HIVEP3: variants seen among roughly 807,000 people sequenced by gnomAD.
The protein encoded by HIVEP3 is transcription factor HIVEP3.
In HIVEP3, 49 loss-of-function variants were observed where a neutral mutation model predicts 152.8. That is an observed-to-expected ratio of 0.32 (90% CI 0.26 to 0.41). HIVEP3 has a LOEUF of 0.41. HIVEP3 is among the 10% of genes least tolerant of loss of function. The pLI is 1.00. For missense variants in HIVEP3, 2,790 were observed against 3,103.3 expected (o/e 0.90, Z 2.40); for synonymous variants, 1,269 against 1,289.0 (o/e 0.98, Z 0.33).
At position 41,617,985 on chromosome 1, in the gene HIVEP3, G is replaced by C. The variant is rs555887109; in HGVS notation, c.-522+10764C>G. On this transcript the variant is annotated intron_variant, in intron 3 of 8. Transcript: ENST00000372583. ...GCAGCATTTCCCTAAGCTGAGACCA[G>C]GGTCACTGGTGGGTGCATTTCCCCA... Among the ~76,000 whole-genome samples the C allele has an allele frequency of 1.1e-4, 17 of 151,940 alleles. No individual in the cohort carries two copies. In the East Asian group the frequency reaches 1.8e-3, roughly 16 times the overall value.
At chr1:41,683,725 G>A (rs1646074412) in intron 2 of HIVEP3, among the ~76,000 whole-genome samples, 2 of 152,150 alleles carry the variant, frequency 1.3e-5, no homozygotes, top group African/African-American at 4.8e-5. Context: ...CTAGGGCCCA[G>A]GACTCAGTAA....
chr1:41,854,231 G>A (rs1643688660), intron 1 of HIVEP3, among the ~76,000 whole-genome samples: 1 of 152,118 alleles, frequency 6.6e-6, no homozygotes, highest in Admixed American at 6.5e-5. Context: ...TGACAGATGG[G>A]CCAGGACCTG....
chr1:41,581,805 T>C lies in HIVEP3; in HGVS notation c.2993A>G (p.Asn998Ser), dbSNP rs768032382. 6.9e-6 allele frequency: 11 copies of C among 1,587,024 alleles called. No homozygotes were observed. The highest frequency in any genetic ancestry group is 4.0e-5 in the African/African-American group (3 of 74,138). The change falls in exon 4 of 9, where the codon AAC (asparagine) becomes AGC (serine). Residue 998 changes from asparagine to serine, a missense_variant. Around this residue, in one of 9 missense-constraint regions of HIVEP3, gnomAD observed 1,078 missense variants for 1,165.3 expected, o/e 0.93. Coordinates refer to ENST00000372583, the MANE Select transcript of HIVEP3 (RefSeq NM_024503.5). The surrounding 1 kb of genome is among the most constrained non-coding windows in gnomAD (Gnocchi z 4.5). ...MRRSASEQSPNVSHSAHMTET... is the reference protein window; with the variant it reads ...MRRSASEQSPSVSHSAHMTET... Reference sequence around the variant, plus strand: ...GGTCATGTGGGCAGAATGGGAAACGTTGGGGCTCTGCTCTGAGGCTGACCT... The same window carrying C: ...GGTCATGTGGGCAGAATGGGAAACGCTGGGGCTCTGCTCTGAGGCTGACCT...
chr1:41,868,398 A>G (rs1644020406), intron 1 of HIVEP3, among the ~76,000 whole-genome samples: 2 of 151,876 alleles, frequency 1.3e-5, no homozygotes, highest in Admixed American at 1.3e-4. Flanking sequence ...CTGTGTATCA[A>G]TTTGCACTTG....
chr1:41,860,018 T>C (rs1643867827), intron 1 of HIVEP3, among the ~76,000 whole-genome samples: 1 of 152,162 alleles, frequency 6.6e-6, no homozygotes, highest in Non-Finnish European at 1.5e-5. Flanking sequence ...TTTATTACAC[T>C]GGGATCATTT....
chr1:41,796,276 C>A (rs1442505811), intron 1 of HIVEP3, among the ~76,000 whole-genome samples: 1 of 152,230 alleles, frequency 6.6e-6, no homozygotes, highest in Non-Finnish European at 1.5e-5. Flanking sequence ...TCAAGTAGAG[C>A]ATTGATTGGC....
intron 1 of HIVEP3, among the ~76,000 whole-genome samples, chr1:41,999,087 G>C (rs1455155841): frequency 6.6e-6 from 1 of 151,320 alleles, no homozygotes; most frequent in Non-Finnish European, 1.5e-5. Flanking sequence ...GTAGAGAAGG[G>C]GTTTCACCAT....
intron 1 of HIVEP3, among the ~76,000 whole-genome samples, chr1:41,908,186 A>G (rs1316672600): frequency 6.6e-6 from 1 of 152,216 alleles, no homozygotes; most frequent in African/African-American, 2.4e-5. Context: ...CAGGTTTGGA[A>G]TAAAAGCTGT....
intron 1 of HIVEP3, among the ~76,000 whole-genome samples, chr1:42,033,801 T>C (rs1364215979): frequency 6.6e-6 from 1 of 152,210 alleles, no homozygotes; most frequent in Non-Finnish European, 1.5e-5. Context: ...TAATTGCCTC[T>C]TGAAAGCATA....
chr1:41,973,069 C>CACACAT (rs1557545152), intron 1 of HIVEP3, among the ~76,000 whole-genome samples: 1 of 152,002 alleles, frequency 6.6e-6, no homozygotes, highest in African/African-American at 2.4e-5. Flanking sequence ...CACACACACA[C>CACACAT]ACACAATTAT....
At chr1:41,756,015 G>A (rs76844921) in intron 1 of HIVEP3, among the ~76,000 whole-genome samples, 2,054 of 152,324 alleles carry the variant, frequency 0.013, 44 homozygotes, top group African/African-American at 0.047. Context: ...TTGTGTGCAC[G>A]TAATCTGTAC....
chr1:41,699,825 C>T (rs1465616618), intron 2 of HIVEP3, among the ~76,000 whole-genome samples: 3 of 152,062 alleles, frequency 2.0e-5, no homozygotes, highest in Non-Finnish European at 2.9e-5. Flanking sequence ...TCCCACACCC[C>T]GGTAGGGGCC....
chr1:41,751,076 C>T (rs892042223), intron 1 of HIVEP3, among the ~76,000 whole-genome samples: 2 of 152,130 alleles, frequency 1.3e-5, no homozygotes, highest in African/African-American at 2.4e-5. Flanking sequence ...GTGTTAAACC[C>T]GAAGTTCATG....
At chr1:41,807,065 C>G (rs936258005) in intron 1 of HIVEP3, among the ~76,000 whole-genome samples, 6 of 152,188 alleles carry the variant, frequency 3.9e-5, no homozygotes, top group Non-Finnish European at 8.8e-5. Context: ...TCTGCCCCCG[C>G]TACTTTCCTG....
At chr1:41,717,513 T>C (rs1646613027) in intron 1 of HIVEP3, among the ~76,000 whole-genome samples, 1 of 151,986 alleles carries the variant, frequency 6.6e-6, no homozygotes, top group Non-Finnish European at 1.5e-5. Context: ...TCTAAGGAGA[T>C]GAGGTTCTAG....
chr1:41,835,560 C>T lies in HIVEP3; in HGVS notation c.-801+82853G>A, dbSNP rs536400486. 1.3e-4 allele frequency among the ~76,000 whole-genome samples: 20 copies of T among 152,330 alleles called. No homozygotes were observed. In the South Asian group the frequency reaches 2.9e-3, roughly 22 times the overall value. ...TAAAGTAACACGATTCAGTCCATAGCGTCTAGATTCCTATCAAATTAGATT... is the reference window on the plus strand; with the variant it reads ...TAAAGTAACACGATTCAGTCCATAGTGTCTAGATTCCTATCAAATTAGATT... On this transcript the variant is annotated intron_variant, in intron 1 of 8. Coordinates refer to ENST00000372583, the MANE Select transcript of HIVEP3 (RefSeq NM_024503.5).
intron 1 of HIVEP3, among the ~76,000 whole-genome samples, chr1:41,710,305 C>T (rs1646493772): frequency 6.6e-6 from 1 of 152,168 alleles, no homozygotes. Flanking sequence ...CTTCATGTGA[C>T]CAAAAGGAAA....
rs184092505 is a variant in HIVEP3 at position 41,619,102 on chromosome 1, C to T, written c.-522+9647G>A. Among the ~76,000 whole-genome samples, 770 of 152,250 alleles carry T rather than the reference C, an allele frequency of 5.1e-3. 3 individuals carry two copies. The highest frequency in any genetic ancestry group is 6.5e-3 in the Non-Finnish European group (444 of 68,018). ...CTCCCAGGGCTTCTGGATGTTGTGC[C>T]TGCCTCTCCCTTCCAGCCTCCTCTG... On this transcript the variant is annotated intron_variant, in intron 3 of 8. Transcript: ENST00000372583.
At chr1:41,714,084 C>G (rs1439552547) in intron 1 of HIVEP3, among the ~76,000 whole-genome samples, 4 of 152,208 alleles carry the variant, frequency 2.6e-5, no homozygotes, top group Non-Finnish European at 5.9e-5. Flanking sequence ...CCCGGGTTCT[C>G]AAGCCCTGAT....
Sources: gnomAD v4.1 joint callset for allele counts (sites outside exome capture counted in the v4.1 genomes callset) on GRCh38, gnomAD v4.1.1 for gene constraint, gnomAD v4.1.1 regional missense constraint, Gnocchi (gnomAD v3.1) non-coding constraint, MANE v1.5 for transcripts, NCBI Gene and HGNC (gene_info 2026-07-23, HGNC 2026-07-21) for gene names.